Variants in CANX observed in about 807,000 individuals in gnomAD.
CANX encodes epididymis secretory sperm binding protein.
In CANX, 14 loss-of-function variants were observed where a neutral mutation model predicts 75.7. The ratio of observed to expected loss-of-function variants is 0.19; its 90% CI spans 0.12 to 0.29. CANX has a LOEUF of 0.29. Ranked by LOEUF, CANX falls within the 10% of genes least tolerant of loss-of-function variation. CANX has a pLI of 1.00. For synonymous variants in CANX, 227 were observed against 236.9 expected, an observed-to-expected ratio of 0.96 and a Z score of 0.38; for missense variants, 567 against 713.2, an observed-to-expected ratio of 0.79 and a Z score of 2.34.
At chr5:179,680,864 G>C (rs1391234484) in intron 1 of CANX, 1 of 1,535,122 alleles carries the variant, frequency 6.5e-7, no homozygotes, top group South Asian at 1.2e-5. Flanking sequence ...GAGGCTGGAT[G>C]GTACATACCA....
chr5:179,685,546 CTTTTTTTTTTTT>C (rs1231654880), intron 1 of CANX, among the ~76,000 whole-genome samples: 2 of 61,440 alleles, frequency 3.3e-5, no homozygotes, highest in East Asian at 4.8e-4. Flanking sequence ...CCGCGCCCAG[CTTTTTTTTTTTT>C]TTTTTTTTTT....
chr5:179,699,072 G>T lies in CANX; in HGVS notation c.-34G>T. 9.2e-7 allele frequency: 1 copy of T among 1,090,698 alleles called. No individual in the cohort carries two copies. The highest frequency in any genetic ancestry group is 1.1e-6 in the Non-Finnish European group (1 of 890,410). The allele number at this position is 1,090,698 out of a possible 1,614,324, so 67.6% of individuals were successfully genotyped here. ...AAGGTGTGCGGGCGGGAAGGGGCAC[G>T]GGCACCCCCGCGGTCCCCGGGAGGC... On this transcript the variant is annotated 5_prime_UTR_variant, in exon 1 of 15. Coordinates refer to ENST00000247461, the MANE Select transcript of CANX (RefSeq NM_001746.4).
At chr5:179,710,095 T>G (rs985185680) in intron 7 of CANX, 30 bp downstream of exon 7, 2 of 1,276,038 alleles carry the variant, frequency 1.6e-6, no homozygotes, top group Non-Finnish European at 2.2e-6. Context: ...TGGGGGCTTA[T>G]GGTATTACAT....
Position 179,707,343 on chromosome 5 carries a change from C to T in CANX, c.304+153C>T, listed in dbSNP as rs574830651. Among the ~76,000 whole-genome samples the T allele has an allele frequency of 4.0e-3, 606 of 152,210 alleles. 2 individuals carry two copies. Among genetic ancestry groups the T allele is most frequent in the Non-Finnish European group, 6.9e-3 (472 of 68,012 alleles). ...CTCACGCCTGTAATCCCAGCACTTT[C>T]GGAAGCCAAGGCGGGCAGATCACGA... is the stretch of plus-strand genomic sequence containing the variant. On this transcript the variant is annotated intron_variant, in intron 4 of 14. Coordinates refer to ENST00000247461, the MANE Select transcript of CANX (RefSeq NM_001746.4).
chr5:179,710,707 C>CATAAAAAAAAAAAAA (rs1777489013), intron 7 of CANX, among the ~76,000 whole-genome samples: 1 of 27,380 alleles, frequency 3.7e-5, no homozygotes, highest in Non-Finnish European at 9.1e-5. Flanking sequence ...GACTCCATCT[C>CATAAAAAAAAAAAAA]AAAAAAAAAA....
intron 1 of CANX, 63 bp downstream of exon 1, chr5:179,699,165 TC>T: frequency 1.1e-6 from 1 of 952,372 alleles, no homozygotes; most frequent in Middle Eastern, 4.3e-4. Context: ...TGGGAGCGCC[TC>T]TGCGGCTGAG....
At chr5:179,718,878 C>G (rs1160379180) in intron 8 of CANX, among the ~76,000 whole-genome samples, 1 of 150,136 alleles carries the variant, frequency 6.7e-6, no homozygotes, top group Non-Finnish European at 1.5e-5. Context: ...TTGGTCAGGC[C>G]GGTCTTGAAC....
At chr5:179,725,369 G>C (rs1778579049) in intron 13 of CANX, among the ~76,000 whole-genome samples, 1 of 151,796 alleles carries the variant, frequency 6.6e-6, no homozygotes, top group Non-Finnish European at 1.5e-5. Flanking sequence ...ACCAGACCCA[G>C]CGAGATCCTG....
At chr5:179,682,829 C>T (rs191323864) in intron 1 of CANX, among the ~76,000 whole-genome samples, 42 of 151,970 alleles carry the variant, frequency 2.8e-4, no homozygotes, top group Non-Finnish European at 4.7e-4. Flanking sequence ...ATGTGGTGCT[C>T]GGTGAAGGCC....
intron 10 of CANX, 58 bp downstream of exon 10, chr5:179,720,618 G>A: frequency 1.3e-6 from 2 of 1,504,748 alleles, no homozygotes; most frequent in East Asian, 2.3e-5. Flanking sequence ...TCAGATAGAA[G>A]TTTTATCTAG....
chr5:179,681,593 G>A (rs1211233038), intron 1 of CANX, among the ~76,000 whole-genome samples: 1 of 152,074 alleles, frequency 6.6e-6, no homozygotes, highest in African/African-American at 2.4e-5. Flanking sequence ...CCCGTCTTTT[G>A]TACCCTCCTT....
rs767177938 is a variant in CANX, at chr5:179,709,956, C to A, written c.612C>A (p.Phe204Leu). 1 of 1,613,068 alleles carries A rather than the reference C, an allele frequency of 6.2e-7. No individual in the cohort carries two copies. The highest frequency in any genetic ancestry group is 1.1e-5 in the South Asian group (1 of 91,044). Reference protein sequence around the residue: ...CGEDYKLHFIFRHKNPKTGIY... With the variant: ...CGEDYKLHFILRHKNPKTGIY... The stretch of plus-strand genomic sequence containing the variant: ...AGGACTATAAACTGCACTTCATCTT[C>A]CGACACAAAAACCCCAAAACGGGTA... Residue 204 changes from phenylalanine (F) to leucine (L), a missense_variant, in exon 7 of 15, where the codon TTC becomes TTA. This residue lies in a region of CANX where 351 missense variants were observed against 433.8 expected (regional missense o/e 0.81). Transcript: ENST00000247461.
At chr5:179,720,003 G>A (rs1216947964) in intron 9 of CANX, among the ~76,000 whole-genome samples, 2 of 151,674 alleles carry the variant, frequency 1.3e-5, no homozygotes, top group Admixed American at 6.6e-5. Context: ...TGTATTTTTT[G>A]TATTTTTAGT....
In CANX at chr5:179,687,520, T is replaced by A. The variant is rs144255985; in HGVS notation, c.-4+8743T>A. ...TTGCTTTGGCTTTCTAGGTCCTTTG[T>A]ATTTCCATATAAATTTTAGAATTTG... On this transcript the variant is annotated intron_variant, in intron 1 of 14. Coordinates refer to the CANX transcript ENST00000681674. 9.2e-5 allele frequency among the ~76,000 whole-genome samples: 14 copies of A among 152,338 alleles called. No homozygotes were observed. In the East Asian group the frequency reaches 2.7e-3, roughly 29 times the overall value.
intron 1 of CANX, among the ~76,000 whole-genome samples, chr5:179,703,204 C>T (rs374154312): frequency 1.5e-4 from 22 of 151,492 alleles, no homozygotes; most frequent in East Asian, 1.2e-3. Context: ...TGAGCCACCG[C>T]GCCTGGTGGA....
chr5:179,707,605 A>AAATT (rs1777234345), intron 4 of CANX, among the ~76,000 whole-genome samples: 1 of 133,394 alleles, frequency 7.5e-6, no homozygotes, highest in Non-Finnish European at 1.6e-5. Context: ...AAAAAAAAAG[A>AAATT]TTTTTCCATG....
Position 179,719,799 on chromosome 5 carries a change from CTT to C in CANX, c.1025+24_1025+25del. 3 of 1,335,508 alleles carry C rather than the reference CTT, an allele frequency of 2.2e-6. No homozygotes were observed. The highest frequency in any genetic ancestry group is 3.2e-6 in the Non-Finnish European group (3 of 952,310). The allele number at this position is 1,335,508 out of a possible 1,614,324, so 82.7% of individuals were successfully genotyped here. A position where few individuals can be genotyped will look rare whatever the true frequency, so the allele number is the denominator to read the frequency against. On this transcript the variant is annotated intron_variant, in intron 9 of 14. Transcript: ENST00000247461. ...GAGGATTGGTAAGAACTTCAGTTAACTTTTTTTAATTACCTGGTTTTTTTGTT... is the reference window on the plus strand; with the variant it reads ...GAGGATTGGTAAGAACTTCAGTTAACTTTTTAATTACCTGGTTTTTTTGTT...
intron 10 of CANX, 21 bp downstream of exon 10, chr5:179,720,581 G>A: frequency 6.2e-7 from 1 of 1,610,406 alleles, no homozygotes; most frequent in African/African-American, 1.3e-5. Flanking sequence ...CTTGATGGTT[G>A]AGTTGCTTTC....
chr5:179,688,663 G>A (rs1269543594), intron 1 of CANX, among the ~76,000 whole-genome samples: 3 of 150,422 alleles, frequency 2.0e-5, no homozygotes, highest in Non-Finnish European at 4.4e-5. Flanking sequence ...GCGCCCGGCC[G>A]CCTAAGGTCA....
Sources: gnomAD v4.1 joint callset for allele counts (sites outside exome capture counted in the v4.1 genomes callset) on GRCh38, gnomAD v4.1.1 for gene constraint, gnomAD v4.1.1 regional missense constraint, MANE v1.5 for transcripts, NCBI Gene and HGNC (gene_info 2026-07-23, HGNC 2026-07-21) for gene names.